Variants in ME3 observed in about 807,000 individuals in gnomAD.
ME3 encodes the protein NADP-dependent malic enzyme, mitochondrial.
In ME3, 48 loss-of-function variants were observed where a neutral mutation model predicts 68.9. The observed-to-expected ratio is 0.70, with a 90% CI of 0.55 to 0.89. The LOEUF (loss-of-function observed/expected upper bound fraction) is 0.89. ME3 is among the 40% of genes least tolerant of loss of function. The pLI is 0.00. For synonymous variants in ME3, 320 were observed against 318.8 expected (o/e 1.00, Z -0.04); for missense variants, 675 against 797.4 (o/e 0.85, Z 1.85).
At chr11:86,667,941 A>G (rs976021508) in intron 2 of ME3, 7 of 152,208 alleles carry the variant, frequency 4.6e-5, no homozygotes, top group Non-Finnish European at 4.4e-5. Context: ...CGTATGGACA[A>G]TAGAAGAGGT....
intron 4 of ME3, among the ~76,000 whole-genome samples, chr11:86,539,070 C>G (rs1053066820): frequency 6.6e-6 from 1 of 152,164 alleles, no homozygotes; most frequent in East Asian, 1.9e-4. Context: ...CCAAGACTCC[C>G]TCAAAGTGCG....
At chr11:86,600,272 T>A (rs1406118007) in intron 2 of ME3, among the ~76,000 whole-genome samples, 1 of 151,732 alleles carries the variant, frequency 6.6e-6, no homozygotes, top group Non-Finnish European at 1.5e-5. Context: ...ATCAAGCAAA[T>A]GGAAAACAAA....
chr11:86,588,593 G>A (rs1298315531), intron 2 of ME3, among the ~76,000 whole-genome samples: 3 of 152,294 alleles, frequency 2.0e-5, no homozygotes, highest in East Asian at 3.9e-4. Flanking sequence ...CAAGCTGGAG[G>A]ATGAGCCATT....
chr11:86,662,098 C>CA (rs1946321543), intron 2 of ME3, among the ~76,000 whole-genome samples: 2 of 152,140 alleles, frequency 1.3e-5, no homozygotes, highest in Non-Finnish European at 2.9e-5. Context: ...AAGTCCACAG[C>CA]AGGGAACAGG....
At chr11:86,665,520 A>G (rs1036149002) in intron 2 of ME3, among the ~76,000 whole-genome samples, 2 of 152,142 alleles carry the variant, frequency 1.3e-5, no homozygotes, top group African/African-American at 4.8e-5. Flanking sequence ...GGCAGAGAAG[A>G]GTAGCAAGAG....
chr11:86,595,306 T>TAGAGAG (rs34224480), intron 2 of ME3, among the ~76,000 whole-genome samples: 1,459 of 79,808 alleles, frequency 0.018, 105 homozygotes, highest in Middle Eastern at 0.04. Context: ...TATATATATA[T>TAGAGAG]AGAGAGAGAG....
chr11:86,607,139 TG>T (rs1333669729), intron 2 of ME3, among the ~76,000 whole-genome samples: 5 of 152,182 alleles, frequency 3.3e-5, no homozygotes, highest in Non-Finnish European at 5.9e-5. Context: ...CACTGCTTCC[TG>T]AAACAATTCC....
chr11:86,555,312 C>A (rs1956873904), intron 4 of ME3, among the ~76,000 whole-genome samples: 1 of 152,122 alleles, frequency 6.6e-6, no homozygotes, highest in Non-Finnish European at 1.5e-5. Context: ...CAGAAAGGAT[C>A]ATTTCTGAGA....
intron 13 of ME3, among the ~76,000 whole-genome samples, chr11:86,444,434 G>A (rs766473468): frequency 6.6e-6 from 1 of 152,176 alleles, no homozygotes; most frequent in African/African-American, 2.4e-5. Flanking sequence ...TCTGAAATTA[G>A]GGGAGAGACT....
At chr11:86,542,937 C>T (rs763684618) in intron 4 of ME3, among the ~76,000 whole-genome samples, 1 of 152,170 alleles carries the variant, frequency 6.6e-6, no homozygotes, top group African/African-American at 2.4e-5. Context: ...GGAAGCCCAT[C>T]GGACTAACAG....
intron 7 of ME3, among the ~76,000 whole-genome samples, chr11:86,477,989 T>C (rs1594111661): frequency 6.6e-6 from 1 of 152,130 alleles, no homozygotes; most frequent in South Asian, 2.1e-4. Context: ...TTCTGCTCCT[T>C]CAGAGTCAAG....
chr11:86,635,083 C>G (rs1229273652), intron 2 of ME3, among the ~76,000 whole-genome samples: 1 of 152,150 alleles, frequency 6.6e-6, no homozygotes, highest in East Asian at 1.9e-4. Context: ...GGCAGATGGA[C>G]CGTTTGAGCC....
intron 8 of ME3, among the ~76,000 whole-genome samples, chr11:86,452,856 A>C (rs1001182046): frequency 6.6e-6 from 1 of 152,238 alleles, no homozygotes; most frequent in Non-Finnish European, 1.5e-5. Flanking sequence ...AGGTGGATAC[A>C]GTGACTGTCT....
chr11:86,527,668 C>T (rs1954867267), intron 4 of ME3, among the ~76,000 whole-genome samples: 1 of 152,190 alleles, frequency 6.6e-6, no homozygotes, highest in African/African-American at 2.4e-5. Context: ...TTGGCAGAAA[C>T]TCTACAAGCC....
At chr11:86,669,939 A>T (rs1251376994) in intron 2 of ME3, among the ~76,000 whole-genome samples, 1 of 152,078 alleles carries the variant, frequency 6.6e-6, no homozygotes, top group Non-Finnish European at 1.5e-5. Flanking sequence ...CTGTAGTGGG[A>T]ATTTATTGTT....
At chr11:86,553,887 G>T (rs945593744) in intron 4 of ME3, among the ~76,000 whole-genome samples, 1 of 152,186 alleles carries the variant, frequency 6.6e-6, no homozygotes, top group Admixed American at 6.5e-5. Context: ...ACTGTAAGAG[G>T]CAGTGTAGTG....
chr11:86,457,841 AG>A, intron 8 of ME3: 1 of 1,209,532 alleles, frequency 8.3e-7, no homozygotes, highest in Non-Finnish European at 1.1e-6. Context: ...TGAGTACTTG[AG>A]GTTGTAGCTT....
At chr11:86,556,252 A>G (rs557120177) in intron 4 of ME3, among the ~76,000 whole-genome samples, 2 of 152,340 alleles carry the variant, frequency 1.3e-5, no homozygotes, top group East Asian at 3.9e-4. Context: ...GAGAAGTGAC[A>G]GGTAGATAAT....
chr11:86,669,312 T>A (rs982394384), intron 2 of ME3, among the ~76,000 whole-genome samples: 1 of 152,226 alleles, frequency 6.6e-6, no homozygotes, highest in African/African-American at 2.4e-5. Context: ...AGATGTTGTT[T>A]AACATCATGG....
Sources: allele counts gnomAD v4.1 joint callset (sites outside exome capture counted in the v4.1 genomes callset), GRCh38; gene constraint gnomAD v4.1.1; transcripts MANE v1.5; gene names NCBI Gene and HGNC (gene_info 2026-07-23, HGNC 2026-07-21).